Variants in ANK1 observed in about 807,000 individuals in gnomAD.
ANK1 encodes the protein ankyrin 1.
In ANK1, 51 loss-of-function variants were observed where a neutral mutation model predicts 210.4. The ratio of observed to expected loss-of-function variants is 0.24; its 90% CI spans 0.19 to 0.31. The LOEUF (loss-of-function observed/expected upper bound fraction) is 0.31, where lower values mean the gene tolerates loss of function less well. Among genes scored for constraint, ANK1 ranks in the 10% least tolerant of loss-of-function variants. The probability of loss-of-function intolerance (pLI) is 1.00; values close to 1 mark genes in which losing one functional copy is unlikely to be tolerated. For missense variants in ANK1, 2,051 were observed against 2,504.4 expected (o/e 0.82, Z 3.86); for synonymous variants, 967 against 1,025.9 (o/e 0.94, Z 1.10).
chr8:41,891,863 G>A (rs1183426940), intron 1 of ANK1, among the ~76,000 whole-genome samples: 1 of 152,184 alleles, frequency 6.6e-6, no homozygotes, highest in Non-Finnish European at 1.5e-5. Flanking sequence ...AGAAACAAAT[G>A]CTCTAATAAT....
At chr8:41,746,227 G>C (rs1836088186) in intron 2 of ANK1, among the ~76,000 whole-genome samples, 1 of 152,204 alleles carries the variant, frequency 6.6e-6, no homozygotes, top group African/African-American at 2.4e-5. Context: ...CCCAGAGACT[G>C]CTTGGTGGGA....
chr8:41,805,207 G>GTCTC (rs113165187), intron 1 of ANK1, among the ~76,000 whole-genome samples: 27 of 137,146 alleles, frequency 2.0e-4, no homozygotes, highest in African/African-American at 6.8e-4. Flanking sequence ...CCCTCTTTTT[G>GTCTC]TCTCTCTCTC....
At chr8:41,828,580 G>A (rs1030366596) in intron 1 of ANK1, 3 of 154,180 alleles carry the variant, frequency 1.9e-5, no homozygotes, top group Non-Finnish European at 4.4e-5. Flanking sequence ...TTACTCTGTG[G>A]GGATTCCCAT....
chr8:41,758,197 G>A (rs1028771048), intron 1 of ANK1, 60 bp from the exon 2 acceptor site: 14 of 1,478,158 alleles, frequency 9.5e-6, no homozygotes, highest in African/African-American at 4.2e-5. Flanking sequence ...TCTCCACCCC[G>A]TTCAAGTCCC....
At chr8:41,789,504 G>A (rs958422453) in intron 1 of ANK1, among the ~76,000 whole-genome samples, 3 of 152,194 alleles carry the variant, frequency 2.0e-5, no homozygotes, top group East Asian at 1.9e-4. Flanking sequence ...CTCTGGCTGC[G>A]GTGCCCACAA....
In ANK1 at chr8:41,715,799, C is replaced by T. The variant is rs1380689423; in HGVS notation, c.1455G>A (p.Met485Ile). ...HCAARIGHTNMVKLLLENNAN... is the reference protein window; with the variant it reads ...HCAARIGHTNIVKLLLENNAN... ...CGTTATTTTCCAGCAGGAGCTTCAC[C>T]ATGTTTGTGTGGCCGATGCGAGCTG... The change falls in exon 14 of 43, where the codon ATG becomes ATA. Residue 485 changes from methionine (M) to isoleucine (I), a missense_variant. By Grantham distance (10) the Met-to-Ile change is conservative (BLOSUM62 1). Around this residue, in one of 6 missense-constraint regions of ANK1, gnomAD observed 1,413 missense variants for 1,707.4 expected, o/e 0.83. Coordinates refer to ENST00000289734, the MANE Select transcript of ANK1 (RefSeq NM_000037.4). 3.1e-6 allele frequency: 5 copies of T among 1,614,242 alleles called. No individual in the cohort carries two copies. The highest frequency in any genetic ancestry group is 1.1e-5 in the South Asian group (1 of 91,082).
chr8:41,661,115 A>G (rs1207779826), intron 42 of ANK1: 1 of 401,568 alleles, frequency 2.5e-6, no homozygotes, highest in Non-Finnish European at 4.7e-6. Context: ...GCCTAAAGCA[A>G]TCCTTTTGCC....
intron 1 of ANK1, among the ~76,000 whole-genome samples, chr8:41,791,095 GCA>G (rs1847572079): frequency 1.3e-5 from 2 of 151,342 alleles, no homozygotes; most frequent in Admixed American, 6.6e-5. Flanking sequence ...TCCACTGTTT[GCA>G]AATCATCATC....
At chr8:41,860,241 T>C (rs1018395902) in intron 1 of ANK1, among the ~76,000 whole-genome samples, 1 of 152,162 alleles carries the variant, frequency 6.6e-6, no homozygotes, top group Non-Finnish European at 1.5e-5. Context: ...TAGCTCGAGA[T>C]TTATCCCCCA....
chr8:41,896,482 G>T lies in ANK1; in HGVS notation c.-2C>A, dbSNP rs765506406. ...CAGCTGTTTGGCCGCTTGAGCCATG[G>T]CGGGTCACGGCGCTCCCGTCCCCGC... On this transcript the variant is annotated 5_prime_UTR_variant, in exon 1 of 43. Coordinates refer to the ANK1 transcript ENST00000265709. 1.9e-6 allele frequency: 3 copies of T among 1,594,070 alleles called. No individual in the cohort carries two copies. The African/African-American group carries it at 4.1e-5, about 22-fold the overall frequency.
intron 1 of ANK1, among the ~76,000 whole-genome samples, chr8:41,870,658 G>GGA (rs1362345054): frequency 1.3e-5 from 2 of 152,236 alleles, no homozygotes; most frequent in East Asian, 3.9e-4. Flanking sequence ...ATGGGCCAAG[G>GGA]GAGGCCAACA....
At chr8:41,816,149 A>T (rs1803288925) in intron 1 of ANK1, among the ~76,000 whole-genome samples, 1 of 152,226 alleles carries the variant, frequency 6.6e-6, no homozygotes, top group Non-Finnish European at 1.5e-5. Context: ...AAGACATTAG[A>T]TAAAGCTAGC....
chr8:41,688,413 G>C lies in ANK1; in HGVS notation c.4183+98C>G, dbSNP rs1255944800. The C allele has an allele frequency of 3.4e-6, 5 of 1,485,224 alleles. No individual in the cohort carries two copies. The African/African-American group carries it at 4.2e-5, about 12-fold the overall frequency. 92.0% of individuals were successfully genotyped at this position (1,485,224 alleles called of 1,614,324 possible). A position where few individuals can be genotyped will look rare whatever the true frequency, so the allele number is the denominator to read the frequency against. Reference sequence around the variant, plus strand: ...GCTTTTGGAACTGGCTGAGCGAGCGGCACCTCAGCAGAACCCTCACAGGGC... The same window carrying C: ...GCTTTTGGAACTGGCTGAGCGAGCGCCACCTCAGCAGAACCCTCACAGGGC... On this transcript the variant is annotated intron_variant, in intron 34 of 42. Transcript: ENST00000289734.
At position 41,704,664 on chromosome 8, in the gene ANK1, G is replaced by A. The variant is rs1467518348; in HGVS notation, c.2098-192C>T. 2.0e-5 allele frequency among the ~76,000 whole-genome samples: 3 copies of A among 152,190 alleles called. 1 individual carries two copies. The highest frequency in any genetic ancestry group is 4.4e-5 in the Non-Finnish European group (3 of 68,040). ...GCTTGTGGGAGACCCAAGGGGAGACGTCAAGCGGGCAACTGGAAAATGGAC... is the reference window on the plus strand; with the variant it reads ...GCTTGTGGGAGACCCAAGGGGAGACATCAAGCGGGCAACTGGAAAATGGAC... On this transcript the variant is annotated intron_variant, in intron 18 of 42. Coordinates refer to ENST00000289734, the MANE Select transcript of ANK1 (RefSeq NM_000037.4). This position sits in a 1 kb window ranked among gnomAD's most constrained non-coding sequence, Gnocchi z 4.1.
intron 2 of ANK1, among the ~76,000 whole-genome samples, chr8:41,750,495 G>C (rs79802538): frequency 0.033 from 4,976 of 152,198 alleles, 252 homozygotes; most frequent in African/African-American, 0.11. Context: ...GCTTAGTCTA[G>C]TTCCTACGTG....
At chr8:41,689,518 C>A (rs1033746234) in intron 33 of ANK1, among the ~76,000 whole-genome samples, 1 of 152,172 alleles carries the variant, frequency 6.6e-6, no homozygotes, top group African/African-American at 2.4e-5. Context: ...ATGAATGTAA[C>A]CTTGCTTCTT....
intron 42 of ANK1, among the ~76,000 whole-genome samples, chr8:41,656,893 A>G (rs1231568027): frequency 6.6e-6 from 1 of 152,170 alleles, no homozygotes; most frequent in Non-Finnish European, 1.5e-5. Context: ...AAAGCCAGGA[A>G]CTGCTGCTGC....
rs1435287337 is a variant in ANK1 at position 41,715,062 on chromosome 8, G to A, written c.1615C>T (p.Pro539Ser). Reference protein sequence around the residue: ...QACMTKKGFTPLHVAAKYGKV... With the variant: ...QACMTKKGFTSLHVAAKYGKV... ...CCGTACTTGGCCGCCACGTGCAGAGGGGTAAATCCTTTCTGAGGAGAAACA... is the reference window on the plus strand; with the variant it reads ...CCGTACTTGGCCGCCACGTGCAGAGAGGTAAATCCTTTCTGAGGAGAAACA... The change falls in exon 15 of 43, where the codon CCT (proline) becomes TCT (serine). Residue 539 changes from proline (P) to serine (S), a missense_variant. Around this residue, in one of 6 missense-constraint regions of ANK1, gnomAD observed 1,413 missense variants for 1,707.4 expected, o/e 0.83. Coordinates refer to ENST00000289734, the MANE Select transcript of ANK1 (RefSeq NM_000037.4). 1.2e-6 allele frequency: 2 copies of A among 1,614,152 alleles called. No individual in the cohort carries two copies. Among genetic ancestry groups the A allele is most frequent in the Admixed American group, 1.7e-5 (1 of 60,030 alleles).
At chr8:41,697,912 C>G (rs1223002878) in intron 24 of ANK1, 131 bp downstream of exon 24, 2 of 869,370 alleles carry the variant, frequency 2.3e-6, no homozygotes, top group Non-Finnish European at 3.7e-6. Context: ...GCGTGGAATG[C>G]CAGTTGGACA....
Sources: gnomAD v4.1 joint callset for allele counts (sites outside exome capture counted in the v4.1 genomes callset) on GRCh38, gnomAD v4.1.1 for gene constraint, gnomAD v4.1.1 regional missense constraint, Gnocchi (gnomAD v3.1) non-coding constraint, MANE v1.5 for transcripts, NCBI Gene and HGNC (gene_info 2026-07-23, HGNC 2026-07-21) for gene names.